The following CNTNAP2 variants were observed in gnomAD, a reference collection of about 807,000 sequenced individuals.
The protein encoded by CNTNAP2 is contactin associated protein 2.
CNTNAP2 carries 98 observed loss-of-function variants against 155.2 expected under a neutral mutation model. The ratio of observed to expected loss-of-function variants is 0.63; its 90% CI spans 0.54 to 0.75. The LOEUF is 0.75. Among genes scored for constraint, CNTNAP2 ranks in the 30% least tolerant of loss-of-function variants. The pLI, the probability that CNTNAP2 is intolerant of heterozygous loss-of-function variation, is 0.00. For missense variants in CNTNAP2, 1,727 were observed against 1,688.1 expected (o/e 1.02, Z -0.40); for synonymous variants, 651 against 631.2 (o/e 1.03, Z -0.47).
chr7:147,179,571 T>C (rs1020889059), intron 8 of CNTNAP2, among the ~76,000 whole-genome samples: 4 of 152,210 alleles, frequency 2.6e-5, no homozygotes, highest in Admixed American at 2.6e-4. Flanking sequence ...TGAAACCAGT[T>C]GACCCATTTT....
chr7:146,138,041 A>G (rs903800863), intron 1 of CNTNAP2, among the ~76,000 whole-genome samples: 4 of 152,072 alleles, frequency 2.6e-5, no homozygotes, highest in Non-Finnish European at 5.9e-5. Context: ...TGCAAACTAC[A>G]TTCCTTGCAC....
intron 6 of CNTNAP2, chr7:147,122,182 C>A (rs7806614): frequency 0.82 from 122,623 of 149,590 alleles, 50,738 homozygotes; most frequent in Non-Finnish European, 0.88. Flanking sequence ...TCAAAAAAAA[C>A]AACAACGAAA....
intron 10 of CNTNAP2, among the ~76,000 whole-genome samples, chr7:147,423,250 G>C (rs1797326400): frequency 6.6e-6 from 1 of 151,920 alleles, no homozygotes. Context: ...TAGTTGTTAT[G>C]AAAGTCATAG....
intron 9 of CNTNAP2, among the ~76,000 whole-genome samples, chr7:147,310,262 T>C (rs1795098721): frequency 6.6e-6 from 1 of 152,156 alleles, no homozygotes; most frequent in African/African-American, 2.4e-5. Context: ...ATTTAAGGAA[T>C]GATTACAAGA....
intron 13 of CNTNAP2, among the ~76,000 whole-genome samples, chr7:147,812,571 T>G (rs563217616): frequency 6.6e-6 from 1 of 151,050 alleles, no homozygotes; most frequent in African/African-American, 2.4e-5. Context: ...CCACTCATTC[T>G]ACTTTCAGCT....
intron 22 of CNTNAP2, among the ~76,000 whole-genome samples, chr7:148,396,078 T>C (rs1799461208): frequency 6.6e-6 from 1 of 152,190 alleles, no homozygotes; most frequent in Non-Finnish European, 1.5e-5. Flanking sequence ...ATGGAAATCA[T>C]TGCAGCTGTC....
intron 12 of CNTNAP2, among the ~76,000 whole-genome samples, chr7:147,571,607 G>A (rs921030631): frequency 6.6e-6 from 1 of 151,838 alleles, no homozygotes. Context: ...GGATATCATC[G>A]GTAACAATGA....
chr7:148,364,282 T>G (rs1798687364), intron 21 of CNTNAP2, among the ~76,000 whole-genome samples: 1 of 152,220 alleles, frequency 6.6e-6, no homozygotes, highest in Non-Finnish European at 1.5e-5. Context: ...CTGAGTCTGG[T>G]GGGGACATGG....
chr7:146,982,313 A>T (rs1325605107), intron 3 of CNTNAP2, among the ~76,000 whole-genome samples: 2 of 152,074 alleles, frequency 1.3e-5, no homozygotes, highest in Admixed American at 1.3e-4. Context: ...AAAATATATA[A>T]TATATAAGAT....
intron 12 of CNTNAP2, among the ~76,000 whole-genome samples, chr7:147,619,469 C>T (rs760015951): frequency 3.3e-5 from 5 of 152,140 alleles, no homozygotes; most frequent in Admixed American, 1.3e-4. Context: ...GGGTGAGTCC[C>T]GGACCAGGCA....
At chr7:147,492,902 C>T (rs552123937) in intron 11 of CNTNAP2, among the ~76,000 whole-genome samples, 2 of 152,210 alleles carry the variant, frequency 1.3e-5, no homozygotes, top group East Asian at 1.9e-4. Flanking sequence ...TTTTTAGACA[C>T]GTCATTTAAT....
At chr7:148,235,977 G>A (rs547717104) in intron 20 of CNTNAP2, among the ~76,000 whole-genome samples, 21 of 148,036 alleles carry the variant, frequency 1.4e-4, no homozygotes, top group African/African-American at 3.9e-4. Flanking sequence ...GAGCCACCGC[G>A]CCTGGCTACA....
intron 15 of CNTNAP2, among the ~76,000 whole-genome samples, chr7:148,098,160 A>G (rs1490121762): frequency 6.6e-6 from 1 of 151,990 alleles, no homozygotes; most frequent in Non-Finnish European, 1.5e-5. Flanking sequence ...CTTTAAAGAA[A>G]AGAGGCTGGG....
At chr7:147,438,591 T>C (rs142351079) in intron 10 of CNTNAP2, among the ~76,000 whole-genome samples, 65 of 152,146 alleles carry the variant, frequency 4.3e-4, no homozygotes, top group African/African-American at 1.5e-3. Flanking sequence ...ATCAGGGTAA[T>C]ACTGGCATGA....
At chr7:146,180,386 T>TG (rs1798533196) in intron 1 of CNTNAP2, among the ~76,000 whole-genome samples, 1 of 140,774 alleles carries the variant, frequency 7.1e-6, no homozygotes, top group African/African-American at 2.9e-5. Flanking sequence ...TCCTTTTAAT[T>TG]TATTTTTTAA....
chr7:147,371,638 T>C lies in CNTNAP2; in HGVS notation c.1499-23971T>C, dbSNP rs1193421722. ...TGTAGATTACCAAGTTCTCCTAGAT[T>C]CACAGGGCAGTAACTATAGGCTTGA... On this transcript the variant is annotated intron_variant, in intron 9 of 23. Coordinates refer to ENST00000361727, the MANE Select transcript of CNTNAP2 (RefSeq NM_014141.6). Among the ~76,000 whole-genome samples, 3 of 152,078 alleles carry C rather than the reference T, an allele frequency of 2.0e-5. No individual in the cohort carries two copies. In the South Asian group the frequency reaches 6.2e-4, roughly 32 times the overall value.
chr7:146,255,155 C>T (rs1021349673), intron 1 of CNTNAP2, among the ~76,000 whole-genome samples: 1 of 152,070 alleles, frequency 6.6e-6, no homozygotes, highest in Non-Finnish European at 1.5e-5. Context: ...CGTGAATGAA[C>T]ATGTTGAATT....
chr7:147,730,866 T>G (rs140382256), intron 13 of CNTNAP2, among the ~76,000 whole-genome samples: 74 of 152,190 alleles, frequency 4.9e-4, no homozygotes, highest in African/African-American at 1.6e-3. Context: ...AGTGAAAACA[T>G]GAACGATAGA....
At chr7:147,257,193 G>A (rs768947530) in intron 8 of CNTNAP2, among the ~76,000 whole-genome samples, 14 of 152,158 alleles carry the variant, frequency 9.2e-5, no homozygotes, top group Non-Finnish European at 1.0e-4. Flanking sequence ...ATGGCTAATT[G>A]TAGAAGTGAG....
Sources: allele counts gnomAD v4.1 joint callset (sites outside exome capture counted in the v4.1 genomes callset), GRCh38; gene constraint gnomAD v4.1.1; transcripts MANE v1.5; gene names NCBI Gene and HGNC (gene_info 2026-07-23, HGNC 2026-07-21).